The following LHCGR variants were observed in gnomAD, a reference collection of about 807,000 sequenced individuals.
LHCGR encodes the protein lutropin-choriogonadotropic hormone receptor.
LHCGR carries 55 observed loss-of-function variants against 60.7 expected under a neutral mutation model. The observed-to-expected ratio is 0.91, with a 90% CI of 0.73 to 1.13. The LOEUF (loss-of-function observed/expected upper bound fraction) is 1.13. LHCGR is among the 50% of genes most tolerant of loss of function. The pLI is 0.00. For synonymous variants in LHCGR, 337 were observed against 316.5 expected, an observed-to-expected ratio of 1.06 and a Z score of -0.69; for missense variants, 862 against 836.0, an observed-to-expected ratio of 1.03 and a Z score of -0.38.
intron 10 of LHCGR, among the ~76,000 whole-genome samples, chr2:48,692,087 G>A (rs1236782577): frequency 6.6e-6 from 1 of 152,090 alleles, no homozygotes. Context: ...CATGGTGTTT[G>A]TTAAAATGCA....
At chr2:48,712,190 A>T (rs925709389) in intron 7 of LHCGR, among the ~76,000 whole-genome samples, 1 of 151,612 alleles carries the variant, frequency 6.6e-6, no homozygotes, top group African/African-American at 2.4e-5. Context: ...AGAGGACTTT[A>T]CCTCTCTCTG....
At chr2:48,746,612 A>G (rs1669718537) in intron 1 of LHCGR, among the ~76,000 whole-genome samples, 1 of 152,236 alleles carries the variant, frequency 6.6e-6, no homozygotes, top group Non-Finnish European at 1.5e-5. Context: ...ATGTCTTATC[A>G]TGTGAACCAA....
chr2:48,734,819 C>G (rs1669147335), intron 1 of LHCGR, among the ~76,000 whole-genome samples: 1 of 152,146 alleles, frequency 6.6e-6, no homozygotes, highest in Admixed American at 6.5e-5. Context: ...AGGACAGAGC[C>G]CTTTCTGTCT....
At position 48,694,140 on chromosome 2, in the gene LHCGR, T is replaced by A; in HGVS notation, c.947+84A>T. 4.5e-6 allele frequency: 4 copies of A among 893,628 alleles called. 1 individual carries two copies. The South Asian group carries it at 5.8e-5, about 13-fold the overall frequency. The allele number at this position is 893,628 out of a possible 1,614,324, so 55.4% of individuals were successfully genotyped here. A position where few individuals can be genotyped will look rare whatever the true frequency, so the allele number is the denominator to read the frequency against. The stretch of plus-strand genomic sequence containing the variant: ...AACAGCTCCGTAACCAAGACTTGTA[T>A]CAAAAGAAAATAATTGATGCTGATA... On this transcript the variant is annotated intron_variant, in intron 10 of 10. Transcript: ENST00000294954.
chr2:48,753,541 C>G (rs561766382), intron 1 of LHCGR, among the ~76,000 whole-genome samples: 1 of 152,184 alleles, frequency 6.6e-6, no homozygotes, highest in Non-Finnish European at 1.5e-5. Context: ...ACCCCCAAAC[C>G]TAGTCAGCCC....
At chr2:48,693,611 A>T (rs1252567418) in intron 10 of LHCGR, among the ~76,000 whole-genome samples, 1 of 152,230 alleles carries the variant, frequency 6.6e-6, no homozygotes, top group African/African-American at 2.4e-5. Context: ...TAAATGTGCC[A>T]TAGGGACACT....
rs757497185 is a variant in LHCGR, at chr2:48,688,479, T to C, written c.1318A>G (p.Ser440Gly). 1 of 1,614,204 alleles carries C rather than the reference T, an allele frequency of 6.2e-7. No individual in the cohort carries two copies. The highest frequency in any genetic ancestry group is 1.1e-5 in the South Asian group (1 of 91,082). The change falls in exon 11 of 11, where the codon AGC becomes GGC. Residue 440 changes from serine (S) to glycine (G), a missense_variant. Coordinates refer to ENST00000294954, the MANE Select transcript of LHCGR (RefSeq NM_000233.4). This position sits in a 1 kb window ranked among gnomAD's most constrained non-coding sequence, Gnocchi z 5.2. Reference protein sequence around the residue: ...AIDWQTGSGCSTAGFFTVFAS... With the variant: ...AIDWQTGSGCGTAGFFTVFAS... ...AATACAGTGAAAAAGCCAGCAGTGC[T>C]GCACCCACTCCCTGTCTGCCAGTCT...
chr2:48,725,964 T>A (rs188650517), intron 3 of LHCGR, among the ~76,000 whole-genome samples: 1 of 152,226 alleles, frequency 6.6e-6, no homozygotes, highest in East Asian at 1.9e-4. Context: ...GCTCTCAAGC[T>A]TCTAAAGAGG....
intron 8 of LHCGR, among the ~76,000 whole-genome samples, chr2:48,700,508 C>A (rs1667355440): frequency 6.6e-6 from 1 of 152,076 alleles, no homozygotes; most frequent in South Asian, 2.1e-4. Flanking sequence ...AAGGAGCTAA[C>A]CAAGCAGCTC....
At chr2:48,734,742 C>T (rs899732292) in intron 1 of LHCGR, among the ~76,000 whole-genome samples, 1 of 152,178 alleles carries the variant, frequency 6.6e-6, no homozygotes, top group African/African-American at 2.4e-5. Flanking sequence ...AAGGACAGTT[C>T]AGCAGCTCTG....
At chr2:48,751,923 CA>C (rs1343176911) in intron 1 of LHCGR, among the ~76,000 whole-genome samples, 1 of 152,112 alleles carries the variant, frequency 6.6e-6, no homozygotes, top group African/African-American at 2.4e-5. Flanking sequence ...ACAGATTTTT[CA>C]AAAGCTGTTT....
chr2:48,687,834 C>G lies in LHCGR; in HGVS notation c.1963G>C (p.Asp655His), dbSNP rs1218859072. 2 of 1,614,116 alleles carry G rather than the reference C, an allele frequency of 1.2e-6. No individual in the cohort carries two copies. The highest frequency in any genetic ancestry group is 1.7e-6 in the Non-Finnish European group (2 of 1,180,018). ...CAGTTGGAGGTGTAAGCTGAAAAAT[C>G]TTTCCTTCTATAAAGTTCAGCCCGA... is the stretch of plus-strand genomic sequence containing the variant. ...KRRAELYRRK[D>H]FSAYTSNCKN... The change falls in exon 11 of 11, where the codon GAT (aspartate) becomes CAT (histidine). Residue 655 changes from aspartate to histidine, a missense_variant. Asp to His is a moderately conservative substitution (Grantham distance 81, BLOSUM62 -1). Coordinates refer to ENST00000294954, the MANE Select transcript of LHCGR (RefSeq NM_000233.4).
At chr2:48,751,635 C>T (rs1369569928) in intron 1 of LHCGR, among the ~76,000 whole-genome samples, 1 of 152,160 alleles carries the variant, frequency 6.6e-6, no homozygotes, top group Non-Finnish European at 1.5e-5. Context: ...CTGTTTTGGA[C>T]CCTGATTTAC....
intron 1 of LHCGR, among the ~76,000 whole-genome samples, chr2:48,752,501 G>A (rs942803825): frequency 1.3e-5 from 2 of 149,982 alleles, no homozygotes; most frequent in African/African-American, 4.9e-5. Context: ...CTCTCCTCCT[G>A]GAAGACTTAC....
chr2:48,731,187 C>G, intron 2 of LHCGR, 40 bp downstream of exon 2: 3 of 1,351,500 alleles, frequency 2.2e-6, no homozygotes, highest in East Asian at 2.3e-5. Context: ...ATTCATTATT[C>G]CAATTACGAA....
chr2:48,753,707 C>G (rs1431177888), intron 1 of LHCGR, among the ~76,000 whole-genome samples: 1 of 152,114 alleles, frequency 6.6e-6, no homozygotes, highest in Non-Finnish European at 1.5e-5. Context: ...CTTGAGAGAT[C>G]TTACTGAAAA....
At chr2:48,698,877 C>T (rs538171331) in intron 8 of LHCGR, 77 bp from the exon 9 acceptor site, 183 of 1,275,706 alleles carry the variant, frequency 1.4e-4, no homozygotes, top group Non-Finnish European at 1.6e-4. Flanking sequence ...AGTCTTGCTC[C>T]GTCGCCCAGG....
chr2:48,747,395 G>T lies in LHCGR; in HGVS notation c.161+8116C>A, dbSNP rs747119899. Among the ~76,000 whole-genome samples, 31 of 152,226 alleles carry T rather than the reference G, an allele frequency of 2.0e-4. No individual in the cohort carries two copies. The Middle Eastern group carries it at 0.01, about 50-fold the overall frequency. Reference sequence around the variant, plus strand: ...GCGTGAGCCACTGTGCCTGAGAATGGGTTTGAAGTGCCTGAAATTACTGGC... The same window carrying T: ...GCGTGAGCCACTGTGCCTGAGAATGTGTTTGAAGTGCCTGAAATTACTGGC... On this transcript the variant is annotated intron_variant, in intron 1 of 10. Transcript: ENST00000294954.
chr2:48,688,596 G>C lies in LHCGR; in HGVS notation c.1201C>G (p.Leu401Val). ...LTVPRFLMCN[L>V]SFADFCMGLY... ...CCCATGCAAAAGTCTGCAAAGGAGAGATTGCACATGAGAAAACGAGGCACT... is the reference window on the plus strand; with the variant it reads ...CCCATGCAAAAGTCTGCAAAGGAGACATTGCACATGAGAAAACGAGGCACT... Residue 401 changes from leucine to valine, a missense_variant, in exon 11 of 11, where the codon CTC (leucine) becomes GTC (valine). Transcript: ENST00000294954. The surrounding 1 kb of genome is among the most constrained non-coding windows in gnomAD (Gnocchi z 5.2). The C allele has an allele frequency of 2.5e-6, 4 of 1,614,196 alleles. No individual in the cohort carries two copies. The highest frequency in any genetic ancestry group is 3.4e-6 in the Non-Finnish European group (4 of 1,180,050).
Sources: allele counts gnomAD v4.1 joint callset (sites outside exome capture counted in the v4.1 genomes callset), GRCh38; gene constraint gnomAD v4.1.1; non-coding constraint Gnocchi (gnomAD v3.1); transcripts MANE v1.5; gene names NCBI Gene and HGNC (gene_info 2026-07-23, HGNC 2026-07-21).